The following ERAP1 variants were observed in gnomAD, a reference collection of about 807,000 sequenced individuals.
ERAP1 encodes endoplasmic reticulum aminopeptidase 1, also known as adipocyte-derived leucine aminopeptidase.
Under a neutral mutation model 103.7 loss-of-function variants are expected in ERAP1, and 86 were observed. The observed-to-expected ratio is 0.83, with a 90% confidence interval of 0.70 to 0.99. ERAP1 has a LOEUF of 0.99. Among genes scored for constraint, ERAP1 ranks in the 50% least tolerant of loss-of-function variants. The probability of loss-of-function intolerance (pLI) is 0.00; values close to 1 mark genes in which losing one functional copy is unlikely to be tolerated. For synonymous variants in ERAP1, 398 were observed against 402.4 expected (o/e 0.99, Z 0.13); for missense variants, 1,009 against 1,128.4 (o/e 0.89, Z 1.52).
rs1774058953 is a variant in ERAP1 at position 96,775,502 on chromosome 5, G to GAGAT, written c.*890_*893dup. On this transcript the variant is annotated 3_prime_UTR_variant, in exon 19 of 19. Coordinates refer to ENST00000443439, the MANE Select transcript of ERAP1 (RefSeq NM_001040458.3). ...TTGAATGCACTCTGCTTTTTCAGAA[G>GAGAT]AGATACTGTACCAGTCAGGGAAATA... 6 of 980,814 alleles carry GAGAT rather than the reference G, an allele frequency of 6.1e-6. No individual in the cohort carries two copies. Among genetic ancestry groups the GAGAT allele is most frequent in the South Asian group, 9.5e-5 (2 of 21,030 alleles). 60.8% of individuals were successfully genotyped at this position (980,814 alleles called of 1,614,324 possible).
At chr5:96,851,958 G>T in the ERAP1 span, among the ~76,000 whole-genome samples, 1 of 152,168 alleles carries the variant, frequency 6.6e-6, no homozygotes, top group East Asian at 1.9e-4. Context: ...TGGAAAACAA[G>T]CAGCAAGCCG....
intron 17 of ERAP1, 48 bp from the exon 18 acceptor site, chr5:96,780,552 T>A: frequency 7.0e-7 from 1 of 1,435,786 alleles, no homozygotes; most frequent in Non-Finnish European, 9.8e-7. Context: ...CTTATTCATT[T>A]AACATATATT....
intron 19 of ERAP1, among the ~76,000 whole-genome samples, chr5:96,767,062 A>G (rs910894490): frequency 6.6e-6 from 1 of 152,252 alleles, no homozygotes; most frequent in African/African-American, 2.4e-5. Context: ...GAAGCTGGGA[A>G]AAATCCCTGA....
At chr5:96,929,786 G>C in the ERAP1 span, among the ~76,000 whole-genome samples, 1 of 151,970 alleles carries the variant, frequency 6.6e-6, no homozygotes, top group African/African-American at 2.4e-5. Context: ...CCACTTCTTG[G>C]TTTGTAATCC....
At chr5:96,879,632 G>C in the ERAP1 span, 1 of 1,476,820 alleles carries the variant, frequency 6.8e-7, no homozygotes, top group Non-Finnish European at 9.4e-7. Flanking sequence ...GCAGTGCCAT[G>C]AAGAACTACG....
chr5:96,805,346 G>GTTT (rs368326043), intron 1 of ERAP1, among the ~76,000 whole-genome samples: 16 of 119,082 alleles, frequency 1.3e-4, no homozygotes, highest in Admixed American at 4.9e-4. Context: ...CTGGTTTTTG[G>GTTT]TTTTTTTTTT....
chr5:96,847,083 CAAA>C, the ERAP1 span, among the ~76,000 whole-genome samples: 3 of 133,516 alleles, frequency 2.2e-5, no homozygotes, highest in Admixed American at 7.5e-5. Flanking sequence ...TACTAAAATA[CAAA>C]AAAAAAAAAA....
chr5:96,776,841 A>G, intron 18 of ERAP1: 1 of 395,830 alleles, frequency 2.5e-6, no homozygotes, highest in Non-Finnish European at 4.6e-6. Context: ...TGTCTATTTA[A>G]TGTGTTATTC....
chr5:96,845,076 A>G, the ERAP1 span, among the ~76,000 whole-genome samples: 3 of 152,214 alleles, frequency 2.0e-5, no homozygotes, highest in Non-Finnish European at 4.4e-5. Flanking sequence ...TAAACTATGT[A>G]TATTACTGGG....
At chr5:96,847,146 G>T in the ERAP1 span, among the ~76,000 whole-genome samples, 2 of 151,138 alleles carry the variant, frequency 1.3e-5, no homozygotes, top group African/African-American at 2.4e-5. Context: ...TACTTGGGAG[G>T]CTGAGGCAGG....
Position 96,793,475 on chromosome 5 carries a change from A to T in ERAP1, c.1113T>A (p.Asp371Glu). 6.2e-7 allele frequency: 1 copy of T among 1,613,920 alleles called. No individual in the cohort carries two copies. Among genetic ancestry groups the T allele is most frequent in the East Asian group, 2.2e-5 (1 of 44,820 alleles). Residue 371 changes from aspartate (D) to glutamate (E), a missense_variant, in exon 7 of 19, where the codon GAT (aspartate) becomes GAA (glutamate). By Grantham distance (45) the Asp-to-Glu change is conservative. Coordinates refer to ENST00000443439, the MANE Select transcript of ERAP1 (RefSeq NM_001040458.3). Reference sequence around the variant, plus strand: ...TGGCAAATCCTTCATTTAGCCAAAGATCATTCCACCATTCCATAGTGACCA... The same window carrying T: ...TGGCAAATCCTTCATTTAGCCAAAGTTCATTCCACCATTCCATAGTGACCA... ...GNLVTMEWWN[D>E]LWLNEGFAKF...
chr5:96,871,407 A>G, the ERAP1 span, among the ~76,000 whole-genome samples: 12 of 152,186 alleles, frequency 7.9e-5, no homozygotes, highest in African/African-American at 2.9e-4. Context: ...TCTTGGCCAG[A>G]AGCAAAAGTT....
In ERAP1 at chr5:96,803,453, AG is replaced by A; in HGVS notation, c.473del (p.Thr158IlefsTer17). On this transcript the variant is annotated frameshift_variant, in exon 2 of 19. Coordinates refer to ENST00000443439, the MANE Select transcript of ERAP1 (RefSeq NM_001040458.3). LOFTEE classifies it high-confidence loss of function. ...AGGTGCTTTTGTAAAATCCGTGGAA[AG>A]TCTCCGAAAGATTGCCAGCATAGTG... Reference protein sequence around the residue: ...VIHYAGNLSETFHGFYKSTYR... With the variant: ...VIHYAGNLSEXFHGFYKSTYR... The A allele has an allele frequency of 6.2e-7, 1 of 1,612,762 alleles. No individual in the cohort carries two copies. The highest frequency in any genetic ancestry group is 1.1e-5 in the South Asian group (1 of 90,624).
chr5:96,789,401 C>A (rs752687724), intron 10 of ERAP1, among the ~76,000 whole-genome samples: 1 of 151,832 alleles, frequency 6.6e-6, no homozygotes, highest in Non-Finnish European at 1.5e-5. Context: ...GCAAGAGAAT[C>A]GCTGGAACCG....
At chr5:96,802,220 AATTTC>A (rs999036476) in intron 2 of ERAP1, among the ~76,000 whole-genome samples, 3 of 152,152 alleles carry the variant, frequency 2.0e-5, no homozygotes, top group African/African-American at 4.8e-5. Context: ...AATTGGAAAC[AATTTC>A]ATTTCCATTC....
the ERAP1 span, among the ~76,000 whole-genome samples, chr5:96,826,603 G>T: frequency 5.3e-5 from 8 of 152,242 alleles, no homozygotes; most frequent in Non-Finnish European, 7.4e-5. Context: ...AGCCATCCAG[G>T]TTCAGCCAGT....
chr5:96,765,581 G>A lies in ERAP1; in HGVS notation c.2819-2353C>T, dbSNP rs904241171. The stretch of plus-strand genomic sequence containing the variant: ...TGGGGTATGCATGGCTTCCTCCCAT[G>A]CAACACAAGCAGTCAGCACATCCAT... On this transcript the variant is annotated intron_variant, in intron 19 of 19. Transcript: ENST00000296754. Among the ~76,000 whole-genome samples, 50 of 152,216 alleles carry A rather than the reference G, an allele frequency of 3.3e-4. 1 individual carries two copies. Among genetic ancestry groups the A allele is most frequent in the Non-Finnish European group, 6.2e-4 (42 of 68,016 alleles).
At chr5:96,884,070 CTAT>C in the ERAP1 span, 1 of 644,818 alleles carries the variant, frequency 1.6e-6, no homozygotes, top group Non-Finnish European at 2.5e-6. Context: ...ATCTATCTAT[CTAT>C]CTATCTATCA....
chr5:96,853,862 A>C, the ERAP1 span, among the ~76,000 whole-genome samples: 1 of 149,928 alleles, frequency 6.7e-6, no homozygotes, highest in Non-Finnish European at 1.5e-5. Flanking sequence ...AAAAAAAAAA[A>C]AGAAGCATGA....
Sources: gnomAD v4.1 joint callset for allele counts (sites outside exome capture counted in the v4.1 genomes callset) on GRCh38, gnomAD v4.1.1 for gene constraint, MANE v1.5 for transcripts, NCBI Gene and HGNC (gene_info 2026-07-23, HGNC 2026-07-21) for gene names.